MIR2052HG: variants seen among roughly 807,000 people sequenced by gnomAD.
The protein encoded by MIR2052HG is MIR2052 host gene.
At chr8:74,681,290 G>A (rs74906366) in intron 2 of MIR2052HG, among the ~76,000 whole-genome samples, 15 of 151,666 alleles carry the variant, frequency 9.9e-5, no homozygotes, top group Non-Finnish European at 4.4e-5. Flanking sequence ...TGCAATTCCA[G>A]CAAAAAATTA....
At chr8:74,703,222 A>C (rs993379756) in intron 3 of MIR2052HG, among the ~76,000 whole-genome samples, 1 of 152,006 alleles carries the variant, frequency 6.6e-6, no homozygotes, top group Admixed American at 6.6e-5. Flanking sequence ...GATGCCTAAG[A>C]CTCAGGTAGG....
chr8:74,639,847 A>G (rs1178211630), intron 2 of MIR2052HG, among the ~76,000 whole-genome samples: 1 of 152,102 alleles, frequency 6.6e-6, no homozygotes, highest in African/African-American at 2.4e-5. Flanking sequence ...AGTAAGCAAT[A>G]ATAGAGCTGA....
intron 2 of MIR2052HG, among the ~76,000 whole-genome samples, chr8:74,677,865 C>A (rs1302779811): frequency 6.6e-6 from 1 of 152,020 alleles, no homozygotes; most frequent in Non-Finnish European, 1.5e-5. Flanking sequence ...AAAGTGGTTT[C>A]TCTAAAAGAC....
intron 2 of MIR2052HG, among the ~76,000 whole-genome samples, chr8:74,680,054 A>G (rs1809105267): frequency 6.6e-6 from 1 of 152,182 alleles, no homozygotes; most frequent in South Asian, 2.1e-4. Flanking sequence ...GGAAAACCCA[A>G]ATGAATCTGC....
intron 4 of MIR2052HG, among the ~76,000 whole-genome samples, chr8:74,723,850 T>C (rs1051991320): frequency 6.6e-6 from 1 of 152,210 alleles, no homozygotes; most frequent in African/African-American, 2.4e-5. Flanking sequence ...AGGAAGACTA[T>C]CGTCTTGAAT....
At chr8:74,614,498 TG>T (rs1294444865) in intron 2 of MIR2052HG, among the ~76,000 whole-genome samples, 1 of 152,178 alleles carries the variant, frequency 6.6e-6, no homozygotes, top group Non-Finnish European at 1.5e-5. Flanking sequence ...ATCATATATT[TG>T]GGTTCTAGTT....
chr8:74,739,765 T>G (rs957296111), intron 4 of MIR2052HG, among the ~76,000 whole-genome samples: 1 of 152,188 alleles, frequency 6.6e-6, no homozygotes, highest in African/African-American at 2.4e-5. Context: ...AATCAGTATT[T>G]GGATCACATC....
intron 2 of MIR2052HG, among the ~76,000 whole-genome samples, chr8:74,641,937 C>G (rs564538925): frequency 6.6e-6 from 1 of 152,054 alleles, no homozygotes; most frequent in South Asian, 2.1e-4. Flanking sequence ...TGTGCAGATG[C>G]CTGGGCCCAG....
intron 2 of MIR2052HG, among the ~76,000 whole-genome samples, chr8:74,620,743 T>C (rs1160038390): frequency 6.6e-6 from 1 of 152,222 alleles, no homozygotes; most frequent in Non-Finnish European, 1.5e-5. Context: ...CTAGGCCTCC[T>C]GGCCTGTGAT....
intron 2 of MIR2052HG, among the ~76,000 whole-genome samples, chr8:74,619,190 T>C (rs192157787): frequency 1.6e-3 from 242 of 152,230 alleles, no homozygotes; most frequent in Non-Finnish European, 2.6e-3. Context: ...AAAATATCCA[T>C]ACTACCCAAA....
chr8:74,672,468 A>G (rs1009839366), intron 2 of MIR2052HG, among the ~76,000 whole-genome samples: 1 of 152,064 alleles, frequency 6.6e-6, no homozygotes, highest in African/African-American at 2.4e-5. Flanking sequence ...AAATGTAGTG[A>G]AATGGACTAC....
At chr8:74,692,367 A>G (rs1017471284) in intron 2 of MIR2052HG, among the ~76,000 whole-genome samples, 9 of 152,162 alleles carry the variant, frequency 5.9e-5, no homozygotes, top group Non-Finnish European at 1.3e-4. Context: ...GCCCAGCCTG[A>G]ATTGAACATT....
chr8:74,697,380 G>A (rs529152226), intron 2 of MIR2052HG, among the ~76,000 whole-genome samples: 5 of 152,124 alleles, frequency 3.3e-5, no homozygotes, highest in African/African-American at 9.6e-5. Flanking sequence ...TATATTGAAC[G>A]GGGAAAGTTG....
At chr8:74,704,916 T>C (rs1261048813) in intron 4 of MIR2052HG, among the ~76,000 whole-genome samples, 1 of 152,154 alleles carries the variant, frequency 6.6e-6, no homozygotes, top group Non-Finnish European at 1.5e-5. Context: ...ATAATTGTAT[T>C]GTTAAAACAT....
intron 2 of MIR2052HG, among the ~76,000 whole-genome samples, chr8:74,657,720 C>T (rs1808821679): frequency 6.6e-6 from 1 of 152,146 alleles, no homozygotes; most frequent in Non-Finnish European, 1.5e-5. Flanking sequence ...TTTATAAAAC[C>T]ATCAGATCTT....
At chr8:74,687,302 T>A (rs548328089) in intron 2 of MIR2052HG, among the ~76,000 whole-genome samples, 36 of 152,186 alleles carry the variant, frequency 2.4e-4, no homozygotes, top group African/African-American at 7.5e-4. Flanking sequence ...CTCAAAAAAA[T>A]TTAAAAGGAA....
At chr8:74,608,172 C>T (rs1808139165) in intron 1 of MIR2052HG, among the ~76,000 whole-genome samples, 1 of 152,014 alleles carries the variant, frequency 6.6e-6, no homozygotes, top group Admixed American at 6.5e-5. Flanking sequence ...TCTTGGATCA[C>T]CTTTTCGGTG....
intron 4 of MIR2052HG, among the ~76,000 whole-genome samples, chr8:74,730,124 T>C (rs1172885906): frequency 6.6e-6 from 1 of 152,172 alleles, no homozygotes; most frequent in Admixed American, 6.6e-5. Context: ...CCTTTCAGTA[T>C]TACTGAAGGA....
At chr8:74,692,136 G>A (rs181111210) in intron 2 of MIR2052HG, among the ~76,000 whole-genome samples, 1 of 152,230 alleles carries the variant, frequency 6.6e-6, no homozygotes, top group East Asian at 1.9e-4. Context: ...AGGCTCCCAG[G>A]CTGGAGTACA....
Sources: allele counts gnomAD v4.1 joint callset (sites outside exome capture counted in the v4.1 genomes callset), GRCh38; gene constraint gnomAD v4.1.1; transcripts MANE v1.5; gene names NCBI Gene and HGNC (gene_info 2026-07-23, HGNC 2026-07-21).